Variants in CCDC112 observed in about 807,000 individuals in gnomAD.
CCDC112 encodes coiled-coil domain-containing protein 112.
In CCDC112, 40 loss-of-function variants were observed where a neutral mutation model predicts 66.3. The ratio of observed to expected loss-of-function variants is 0.60; its 90% CI spans 0.47 to 0.79. The LOEUF (loss-of-function observed/expected upper bound fraction) is 0.79, where lower values mean the gene tolerates loss of function less well. Ranked by LOEUF, CCDC112 falls within the 30% of genes least tolerant of loss-of-function variation. The pLI, the probability that CCDC112 is intolerant of heterozygous loss-of-function variation, is 0.00. For synonymous variants in CCDC112, 214 were observed against 197.2 expected (o/e 1.09, Z -0.71); for missense variants, 659 against 603.8 (o/e 1.09, Z -0.96).
intron 6 of CCDC112, among the ~76,000 whole-genome samples, chr5:115,272,109 T>C (rs1014179992): frequency 1.3e-5 from 2 of 151,850 alleles, no homozygotes; most frequent in Non-Finnish European, 2.9e-5. Context: ...GTATTTTTAG[T>C]ATAGGGTTTC....
At chr5:115,291,362 T>C (rs939738508) in intron 1 of CCDC112, among the ~76,000 whole-genome samples, 2 of 152,158 alleles carry the variant, frequency 1.3e-5, no homozygotes, top group African/African-American at 4.8e-5. Context: ...ATCCTTTTCA[T>C]GTTTTTAGAT....
At chr5:115,290,897 C>A (rs1033447233) in intron 1 of CCDC112, among the ~76,000 whole-genome samples, 1 of 151,814 alleles carries the variant, frequency 6.6e-6, no homozygotes, top group African/African-American at 2.4e-5. Flanking sequence ...GTGTGTGAAT[C>A]CCTTAGAATT....
At chr5:115,289,594 C>T (rs560308144) in intron 1 of CCDC112, among the ~76,000 whole-genome samples, 47 of 152,298 alleles carry the variant, frequency 3.1e-4, no homozygotes, top group African/African-American at 1.1e-3. Flanking sequence ...AAAGCCAATT[C>T]GATCTAAATT....
At chr5:115,289,641 T>G (rs1749836942) in intron 1 of CCDC112, among the ~76,000 whole-genome samples, 1 of 152,232 alleles carries the variant, frequency 6.6e-6, no homozygotes, top group Non-Finnish European at 1.5e-5. Context: ...AACATGTATT[T>G]TAGATGTAAG....
In CCDC112 at chr5:115,296,641, G is replaced by A. The variant is rs1580815011; in HGVS notation, c.-98C>T. 7.7e-7 allele frequency: 1 copy of A among 1,306,320 alleles called. No individual in the cohort carries two copies. Among genetic ancestry groups the A allele is most frequent in the Non-Finnish European group, 9.8e-7 (1 of 1,019,334 alleles). The allele number at this position is 1,306,320 out of a possible 1,614,324, so 80.9% of individuals were successfully genotyped here. ...TCTGCAGACAGCTCCCTGCGCTGCG[G>A]GCTTGGCCGGGATGCAGGGCGGGGC... On this transcript the variant is annotated 5_prime_UTR_variant, in exon 1 of 10. Transcript: ENST00000379611.
At chr5:115,278,933 T>A (rs142611099) in intron 3 of CCDC112, among the ~76,000 whole-genome samples, 4 of 152,174 alleles carry the variant, frequency 2.6e-5, no homozygotes, top group African/African-American at 9.7e-5. Flanking sequence ...CTTTAAGAAA[T>A]GCTAAGCAGC....
chr5:115,292,054 C>T (rs267302), intron 1 of CCDC112, among the ~76,000 whole-genome samples: 1 of 152,108 alleles, frequency 6.6e-6, no homozygotes, highest in Non-Finnish European at 1.5e-5. Context: ...AAATTTGGGA[C>T]GTCTTCTATT....
intron 6 of CCDC112, among the ~76,000 whole-genome samples, chr5:115,274,677 G>C (rs1355425582): frequency 6.6e-6 from 1 of 152,200 alleles, no homozygotes; most frequent in South Asian, 2.1e-4. Context: ...ATTTGTGACA[G>C]AGACATGTTT....
intron 1 of CCDC112, among the ~76,000 whole-genome samples, chr5:115,287,447 T>C (rs1234108762): frequency 6.6e-6 from 1 of 152,182 alleles, no homozygotes; most frequent in Admixed American, 6.5e-5. Context: ...ACAGAGCTCC[T>C]GCAGTAGGCC....
chr5:115,282,411 TGCTTA>T (rs1203771133), intron 2 of CCDC112, among the ~76,000 whole-genome samples: 1 of 152,304 alleles, frequency 6.6e-6, no homozygotes, highest in African/African-American at 2.4e-5. Flanking sequence ...ACCTTTGCTT[TGCTTA>T]GCTTAGCTTA....
rs373774298 is a variant in CCDC112, at chr5:115,271,333, A to G, written c.1212T>C (p.Tyr404=). 4 of 1,613,096 alleles carry G rather than the reference A, an allele frequency of 2.5e-6. No individual in the cohort carries two copies. In the African/African-American group the frequency reaches 4.0e-5, roughly 16 times the overall value. ...QFKLKLLLES[Y]TQQKKEQEEF... is the part of the protein sequence containing the mutation. ...CTTCCTGTTCTTTCTTCTGCTGGGT[A>G]TAACTTTCTAGTAGTAATTTTAACT... is the stretch of plus-strand genomic sequence containing the variant. Residue 404 remains tyrosine, a synonymous_variant, in exon 7 of 10, where the codon TAT becomes TAC. Transcript: ENST00000379611.
At position 115,296,464 on chromosome 5, in the gene CCDC112, G is replaced by A. The variant is rs768380903; in HGVS notation, c.80C>T (p.Thr27Ile). ...TGGCGTCGCTCCCACGCCGGTCCCG[G>A]TGGCCGCGCCCGCCCCTGCCACAGC... Reference protein sequence around the residue: ...AGAVAGAGAATGTGVGATPAP... With the variant: ...AGAVAGAGAAIGTGVGATPAP... Residue 27 changes from threonine (T) to isoleucine (I), a missense_variant, in exon 1 of 10, where the codon ACC (threonine) becomes ATC (isoleucine). Thr to Ile is a moderately conservative substitution (Grantham distance 89). Coordinates refer to ENST00000379611, the MANE Select transcript of CCDC112 (RefSeq NM_001040440.3). The A allele has an allele frequency of 1.9e-6, 3 of 1,558,288 alleles. No individual in the cohort carries two copies. Among genetic ancestry groups the A allele is most frequent in the Non-Finnish European group, 2.6e-6 (3 of 1,159,606 alleles).
chr5:115,281,168 C>T (rs1330463186), intron 2 of CCDC112, among the ~76,000 whole-genome samples: 2 of 151,904 alleles, frequency 1.3e-5, no homozygotes, highest in East Asian at 1.9e-4. Flanking sequence ...GGACTACAAG[C>T]GCCTGCCACC....
intron 6 of CCDC112, among the ~76,000 whole-genome samples, chr5:115,274,689 G>T (rs1383479749): frequency 1.3e-5 from 2 of 152,150 alleles, no homozygotes; most frequent in Admixed American, 1.3e-4. Context: ...GACATGTTTG[G>T]CTATGAGGAA....
chr5:115,276,084 CG>C lies in CCDC112; in HGVS notation c.452-16del, dbSNP rs1345335185. 5.1e-6 allele frequency: 8 copies of C among 1,569,468 alleles called. No individual in the cohort carries two copies. The highest frequency in any genetic ancestry group is 6.9e-6 in the Non-Finnish European group (8 of 1,156,944). On this transcript the variant is annotated splice_polypyrimidine_tract_variant and intron_variant, in intron 4 of 9. Transcript: ENST00000379611. ...CTTCTCAACAACTGTAAAAGAAACACGGAAAATTATTTTGTGCCATTTTCCC... is the reference window on the plus strand; with the variant it reads ...CTTCTCAACAACTGTAAAAGAAACACGAAAATTATTTTGTGCCATTTTCCC...
intron 1 of CCDC112, among the ~76,000 whole-genome samples, chr5:115,286,308 T>C (rs1053424984): frequency 6.6e-6 from 1 of 152,228 alleles, no homozygotes; most frequent in Admixed American, 6.5e-5. Flanking sequence ...ATGTGTAGCC[T>C]TGTCTGACTT....
intron 2 of CCDC112, chr5:115,280,428 T>C (rs1749401889): frequency 6.6e-6 from 1 of 152,238 alleles, no homozygotes; most frequent in African/African-American, 2.4e-5. Flanking sequence ...CAGCACATCT[T>C]TGCCCCTTGA....
intron 6 of CCDC112, among the ~76,000 whole-genome samples, chr5:115,273,554 T>G (rs1749088021): frequency 6.6e-6 from 1 of 152,182 alleles, no homozygotes; most frequent in Non-Finnish European, 1.5e-5. Context: ...ATCAAACTGA[T>G]GATATATCAG....
chr5:115,288,101 C>T (rs1474129469), intron 1 of CCDC112, among the ~76,000 whole-genome samples: 1 of 152,072 alleles, frequency 6.6e-6, no homozygotes. Context: ...CTGCCTCAGC[C>T]TCCCGAGTAG....
Sources: allele counts gnomAD v4.1 joint callset (sites outside exome capture counted in the v4.1 genomes callset), GRCh38; gene constraint gnomAD v4.1.1; transcripts MANE v1.5; gene names NCBI Gene and HGNC (gene_info 2026-07-23, HGNC 2026-07-21).